The following PTPN5 variants were observed in gnomAD, a reference collection of about 807,000 sequenced individuals.
The protein encoded by PTPN5 is protein tyrosine phosphatase non-receptor type 5.
PTPN5 carries 29 observed loss-of-function variants against 73.9 expected under a neutral mutation model. That is an observed-to-expected ratio of 0.39 (90% CI 0.29 to 0.54). The LOEUF (loss-of-function observed/expected upper bound fraction) is 0.54, where lower values mean the gene tolerates loss of function less well. Among genes scored for constraint, PTPN5 ranks in the 20% least tolerant of loss-of-function variants. The probability of loss-of-function intolerance (pLI) is 0.65; values close to 1 mark genes in which losing one functional copy is unlikely to be tolerated. For missense variants in PTPN5, 652 were observed against 751.4 expected, an observed-to-expected ratio of 0.87 and a Z score of 1.55; for synonymous variants, 267 against 304.7, an observed-to-expected ratio of 0.88 and a Z score of 1.29.
chr11:18,781,181 C>A (rs554291919), intron 1 of PTPN5, among the ~76,000 whole-genome samples: 1 of 152,144 alleles, frequency 6.6e-6, no homozygotes, highest in Non-Finnish European at 1.5e-5. Context: ...ACTCCCTGAG[C>A]TGCGCTACTT....
chr11:18,785,589 T>C (rs1851632189), intron 1 of PTPN5, among the ~76,000 whole-genome samples: 1 of 152,226 alleles, frequency 6.6e-6, no homozygotes, highest in Admixed American at 6.5e-5. Context: ...AGGCAGATGA[T>C]GAAATACACA....
At position 18,733,015 on chromosome 11, in the gene PTPN5, T is replaced by C. The variant is rs942642663; in HGVS notation, c.1218+220A>G. On this transcript the variant is annotated intron_variant, in intron 11 of 14. Transcript: ENST00000358540. The surrounding 1 kb of genome is among the most constrained non-coding windows in gnomAD (Gnocchi z 4.3). ...AGGCAGCAGAGTGCTGTGTTTAAGGTCACGGGCACTGGAAGTGGAGAGGCC... is the reference window on the plus strand; with the variant it reads ...AGGCAGCAGAGTGCTGTGTTTAAGGCCACGGGCACTGGAAGTGGAGAGGCC... 6.6e-6 allele frequency among the ~76,000 whole-genome samples: 1 copy of C among 152,132 alleles called. No homozygotes were observed. The highest frequency in any genetic ancestry group is 2.4e-5 in the African/African-American group (1 of 41,410).
rs1851933241 is a variant in PTPN5, at chr11:18,791,604, G to C, written c.-193C>G. The C allele has an allele frequency of 6.5e-6, 1 of 152,716 alleles. No homozygotes were observed. Among genetic ancestry groups the C allele is most frequent in the Non-Finnish European group, 1.5e-5 (1 of 68,604 alleles). The allele number at this position is 152,716 out of a possible 1,614,324, so 9.5% of individuals were successfully genotyped here. Reference sequence around the variant, plus strand: ...TGCGCGCGCGAGTGTGCGTGTGTCTGCGTGTGTCCCTGCTTGTGTCTGTGC... The same window carrying C: ...TGCGCGCGCGAGTGTGCGTGTGTCTCCGTGTGTCCCTGCTTGTGTCTGTGC... On this transcript the variant is annotated 5_prime_UTR_variant, in exon 1 of 15. Coordinates refer to ENST00000358540, the MANE Select transcript of PTPN5 (RefSeq NM_006906.2).
chr11:18,772,071 G>A lies in PTPN5; in HGVS notation c.-113C>T. ...AGAGAGGGCAGCTTCAGATCATCCA[G>A]CTGGGAAAACGGGGCAAAGAGAGAT... On this transcript the variant is annotated splice_region_variant and 5_prime_UTR_variant, in exon 2 of 15. Transcript: ENST00000358540. The A allele has an allele frequency of 2.6e-6, 2 of 777,608 alleles. No homozygotes were observed. The highest frequency in any genetic ancestry group is 4.1e-6 in the Non-Finnish European group (2 of 490,688). The allele number at this position is 777,608 out of a possible 1,614,324, so 48.2% of individuals were successfully genotyped here. A position where few individuals can be genotyped will look rare whatever the true frequency, so the allele number is the denominator to read the frequency against.
Position 18,728,847 on chromosome 11 carries a change from G to C in PTPN5, c.*87C>G. ...CTGACTGAAGGGGAGGAAGCGGGGA[G>C]CAGGCCCAGGACCCGAGGCAGGGCC... is the stretch of plus-strand genomic sequence containing the variant. On this transcript the variant is annotated 3_prime_UTR_variant, in exon 15 of 15. Transcript: ENST00000358540. The surrounding 1 kb of genome is among the most constrained non-coding windows in gnomAD (Gnocchi z 4.1). The C allele has an allele frequency of 3.8e-6, 5 of 1,306,534 alleles. No homozygotes were observed. Among genetic ancestry groups the C allele is most frequent in the Non-Finnish European group, 5.3e-6 (5 of 936,834 alleles). 80.9% of individuals were successfully genotyped at this position (1,306,534 alleles called of 1,614,324 possible). A position where few individuals can be genotyped will look rare whatever the true frequency, so the allele number is the denominator to read the frequency against.
intron 1 of PTPN5, among the ~76,000 whole-genome samples, chr11:18,791,321 A>C (rs11024795): frequency 0.98 from 149,445 of 152,292 alleles, 73,383 homozygotes; most frequent in East Asian, 1. Flanking sequence ...CTACCAAGCG[A>C]CAAGCCCCCT....
In PTPN5 at chr11:18,729,172, C is replaced by T. The variant is rs908611321; in HGVS notation, c.1605-145G>A. ...ACCAACCCTTGCCAACCATTACCCTCTGCCCCTTCCTATCAGGGACACAGA... is the reference window on the plus strand; with the variant it reads ...ACCAACCCTTGCCAACCATTACCCTTTGCCCCTTCCTATCAGGGACACAGA... On this transcript the variant is annotated intron_variant, in intron 14 of 14. Coordinates refer to ENST00000358540, the MANE Select transcript of PTPN5 (RefSeq NM_006906.2). This position sits in a 1 kb window ranked among gnomAD's most constrained non-coding sequence, Gnocchi z 5.2. 39 of 729,098 alleles carry T rather than the reference C, an allele frequency of 5.3e-5. No homozygotes were observed. In the South Asian group the frequency reaches 6.6e-4, roughly 12 times the overall value. The allele number at this position is 729,098 out of a possible 1,614,324, so 45.2% of individuals were successfully genotyped here.
chr11:18,788,098 C>G (rs1337434900), intron 1 of PTPN5, among the ~76,000 whole-genome samples: 4 of 152,202 alleles, frequency 2.6e-5, no homozygotes, highest in Non-Finnish European at 5.9e-5. Flanking sequence ...ATTCTTCCCT[C>G]CTGTTAGTGC....
intron 3 of PTPN5, among the ~76,000 whole-genome samples, chr11:18,746,681 C>T (rs557437848): frequency 6.6e-6 from 1 of 152,282 alleles, no homozygotes; most frequent in African/African-American, 2.4e-5. Flanking sequence ...AGCAATAAAT[C>T]TAAGTGCCAA....
Position 18,733,093 on chromosome 11 carries a change from C to T in PTPN5, c.1218+142G>A. 3.1e-6 allele frequency: 4 copies of T among 1,293,536 alleles called. No individual in the cohort carries two copies. The highest frequency in any genetic ancestry group is 4.2e-6 in the Non-Finnish European group (4 of 942,792). The allele number at this position is 1,293,536 out of a possible 1,614,324, so 80.1% of individuals were successfully genotyped here. On this transcript the variant is annotated intron_variant, in intron 11 of 14. Transcript: ENST00000358540. This position sits in a 1 kb window ranked among gnomAD's most constrained non-coding sequence, Gnocchi z 4.3. ...GCCCGGGGCAAATGACTTAACCTTA[C>T]CGAGCCTCACATCTCCTCATCTTGG...
chr11:18,771,997 G>A lies in PTPN5; in HGVS notation c.-39C>T. 1.3e-6 allele frequency: 2 copies of A among 1,527,330 alleles called. No individual in the cohort carries two copies. Among genetic ancestry groups the A allele is most frequent in the East Asian group, 2.5e-5 (1 of 40,156 alleles). 94.6% of individuals were successfully genotyped at this position (1,527,330 alleles called of 1,614,324 possible). The stretch of plus-strand genomic sequence containing the variant: ...GGATGGGGAAGGGTGCCATCTTCCA[G>A]GGCAGGAAGCTTTCTCAGCAAAAAG... On this transcript the variant is annotated 5_prime_UTR_variant, in exon 2 of 15. Transcript: ENST00000358540.
At chr11:18,750,021 G>A (rs1449873801) in intron 3 of PTPN5, among the ~76,000 whole-genome samples, 2 of 152,128 alleles carry the variant, frequency 1.3e-5, no homozygotes, top group Non-Finnish European at 1.5e-5. Context: ...ATGAATTACC[G>A]GCTGTCAGAG....
At chr11:18,744,871 G>T (rs534385796) in intron 3 of PTPN5, among the ~76,000 whole-genome samples, 41 of 152,348 alleles carry the variant, frequency 2.7e-4, no homozygotes, top group African/African-American at 9.6e-4. Flanking sequence ...CCACCTGGAA[G>T]ATGGGGTTTG....
Position 18,742,983 on chromosome 11 carries a change from G to T in PTPN5, c.483+9C>A, listed in dbSNP as rs762030532. The T allele has an allele frequency of 5.2e-6, 8 of 1,538,090 alleles. No individual in the cohort carries two copies. The highest frequency in any genetic ancestry group is 7.0e-6 in the Non-Finnish European group (8 of 1,134,784). On this transcript the variant is annotated intron_variant, in intron 6 of 14. Transcript: ENST00000358540. This position sits in a 1 kb window ranked among gnomAD's most constrained non-coding sequence, Gnocchi z 4.1. Reference sequence around the variant, plus strand: ...ACAGCCTTGAGGTTGGGGTCAGGAGGCGCCTTACCAGGGTGGTAACGAGGA... The same window carrying T: ...ACAGCCTTGAGGTTGGGGTCAGGAGTCGCCTTACCAGGGTGGTAACGAGGA...
intron 3 of PTPN5, chr11:18,749,590 G>C: frequency 2.1e-6 from 1 of 483,720 alleles, no homozygotes. Flanking sequence ...CATGTAGTAT[G>C]GAGGGAAGGA....
At chr11:18,755,709 AG>A (rs1405192972) in intron 3 of PTPN5, among the ~76,000 whole-genome samples, 1 of 152,140 alleles carries the variant, frequency 6.6e-6, no homozygotes, top group Admixed American at 6.5e-5. Flanking sequence ...ATGGGAAAAA[AG>A]ATGATCTTTT....
In PTPN5 at chr11:18,733,395, T is replaced by A. The variant is rs778225373; in HGVS notation, c.1081-23A>T. On this transcript the variant is annotated intron_variant, in intron 10 of 14. Transcript: ENST00000358540. The surrounding 1 kb of genome is among the most constrained non-coding windows in gnomAD (Gnocchi z 4.3). ...GCCCTGCGGCCAGCCAAGTCCAGGC[T>A]GTCAGGGTCAGAGGCAGTGCTCCCA... The A allele has an allele frequency of 4.3e-6, 7 of 1,611,564 alleles. No individual in the cohort carries two copies. In the East Asian group the frequency reaches 1.3e-4, roughly 31 times the overall value.
chr11:18,741,220 AG>A (rs1284920378), intron 7 of PTPN5, among the ~76,000 whole-genome samples: 2 of 152,116 alleles, frequency 1.3e-5, no homozygotes, highest in African/African-American at 4.8e-5. Flanking sequence ...TCCCCACTGC[AG>A]TCCCGGGCCC....
At position 18,742,287 on chromosome 11, in the gene PTPN5, C is replaced by A. The variant is rs763889706; in HGVS notation, c.700G>T (p.Val234Phe). The stretch of plus-strand genomic sequence containing the variant: ...CTCTCCTGCAGACCCATGGACTTGA[C>A]GGTGAGTGAGGTGGGGTCAGCCTCA... ...KPEADPTSLT[V>F]KSMGLQERRG... The change falls in exon 7 of 15, where the codon GTC becomes TTC. Residue 234 changes from valine (V) to phenylalanine (F), a missense_variant. This residue lies in a region of PTPN5 where 529 missense variants were observed against 573.9 expected (regional missense o/e 0.92). Coordinates refer to ENST00000358540, the MANE Select transcript of PTPN5 (RefSeq NM_006906.2). The surrounding 1 kb of genome is among the most constrained non-coding windows in gnomAD (Gnocchi z 4.1). 1 of 1,614,044 alleles carries A rather than the reference C, an allele frequency of 6.2e-7. No homozygotes were observed. The highest frequency in any genetic ancestry group is 1.3e-5 in the African/African-American group (1 of 74,922).
Sources: allele counts gnomAD v4.1 joint callset (sites outside exome capture counted in the v4.1 genomes callset), GRCh38; gene constraint gnomAD v4.1.1; regional missense constraint gnomAD v4.1.1; non-coding constraint Gnocchi (gnomAD v3.1); transcripts MANE v1.5; gene names NCBI Gene and HGNC (gene_info 2026-07-23, HGNC 2026-07-21).